Variants in PRKD1 observed in about 807,000 individuals in gnomAD.
PRKD1 encodes the protein serine/threonine-protein kinase D1.
A neutral mutation model predicts 95.9 loss-of-function variants in PRKD1; 63 were observed. The ratio of observed to expected loss-of-function variants is 0.66; its 90% CI spans 0.54 to 0.81. The LOEUF (loss-of-function observed/expected upper bound fraction) is 0.81. Among genes scored for constraint, PRKD1 ranks in the 30% least tolerant of loss-of-function variants. The pLI is 0.00. For synonymous variants in PRKD1, 425 were observed against 423.1 expected (o/e 1.00, Z -0.05); for missense variants, 1,048 against 1,165.3 (o/e 0.90, Z 1.47).
chr14:29,581,550 T>A (rs1386948644), intron 16 of PRKD1, among the ~76,000 whole-genome samples: 1 of 152,190 alleles, frequency 6.6e-6, no homozygotes, highest in African/African-American at 2.4e-5. Context: ...CCAGGGGGAC[T>A]GGAATTCAAA....
chr14:29,732,582 A>G (rs1371395104), intron 1 of PRKD1, among the ~76,000 whole-genome samples: 1 of 152,166 alleles, frequency 6.6e-6, no homozygotes, highest in East Asian at 1.9e-4. Context: ...GTATAGAGCC[A>G]AGGTTTCACA....
intron 1 of PRKD1, among the ~76,000 whole-genome samples, chr14:29,841,680 G>T (rs917400170): frequency 6.6e-6 from 1 of 151,868 alleles, no homozygotes. Context: ...CCTGGTCTCG[G>T]GTATGTCTTT....
At chr14:29,712,108 T>C (rs914114538) in intron 2 of PRKD1, among the ~76,000 whole-genome samples, 5 of 152,172 alleles carry the variant, frequency 3.3e-5, no homozygotes, top group African/African-American at 1.2e-4. Flanking sequence ...TGGAAAGTAA[T>C]ACCAGATCTT....
rs774083768 is a variant in PRKD1, at chr14:29,577,230, G to A, written c.*8C>T. 16 of 1,605,194 alleles carry A rather than the reference G, an allele frequency of 1.0e-5. No individual in the cohort carries two copies. In the Admixed American group the frequency reaches 2.5e-4, roughly 25 times the overall value. On this transcript the variant is annotated 3_prime_UTR_variant, in exon 18 of 18. Transcript: ENST00000331968. Reference sequence around the variant, plus strand: ...CACAGTGTTTTGACAGATTATAGGAGATGGAACTCAGAGGATGCTGACACG... The same window carrying A: ...CACAGTGTTTTGACAGATTATAGGAAATGGAACTCAGAGGATGCTGACACG...
intron 2 of PRKD1, among the ~76,000 whole-genome samples, chr14:29,676,193 T>TGTTTTTTTTTTG (rs1555334434): frequency 8.8e-5 from 7 of 79,212 alleles, no homozygotes; most frequent in African/African-American, 3.8e-4. Flanking sequence ...GTTTTTTTTT[T>TGTTTTTTTTTTG]TTTTTTTTTT....
chr14:29,705,736 C>T (rs1275450737), intron 2 of PRKD1, among the ~76,000 whole-genome samples: 3 of 152,044 alleles, frequency 2.0e-5, no homozygotes, highest in African/African-American at 7.2e-5. Flanking sequence ...AACATATAAA[C>T]TGACTGGCTT....
intron 10 of PRKD1, among the ~76,000 whole-genome samples, chr14:29,629,469 A>G (rs969809997): frequency 6.6e-6 from 1 of 152,148 alleles, no homozygotes; most frequent in African/African-American, 2.4e-5. Flanking sequence ...TCGATTAGGC[A>G]TTAAAATAGA....
intron 2 of PRKD1, among the ~76,000 whole-genome samples, chr14:29,697,613 T>C (rs1187708679): frequency 6.6e-6 from 1 of 152,204 alleles, no homozygotes; most frequent in African/African-American, 2.4e-5. Flanking sequence ...AAAATCACTT[T>C]TTGGGAAAGG....
chr14:29,646,179 G>A (rs991105928), intron 4 of PRKD1, among the ~76,000 whole-genome samples: 5 of 152,054 alleles, frequency 3.3e-5, no homozygotes, highest in African/African-American at 7.2e-5. Flanking sequence ...TTGCATAGAC[G>A]CCAAGGTGAG....
At chr14:29,604,917 C>T (rs1893650956) in intron 13 of PRKD1, among the ~76,000 whole-genome samples, 1 of 152,192 alleles carries the variant, frequency 6.6e-6, no homozygotes, top group African/African-American at 2.4e-5. Flanking sequence ...ATCAGCGTCT[C>T]TCCACCCAAA....
At chr14:29,638,409 C>T in intron 6 of PRKD1, 80 bp downstream of exon 6, 2 of 1,531,010 alleles carry the variant, frequency 1.3e-6, no homozygotes, top group Admixed American at 1.8e-5. Flanking sequence ...AAACCAAAAC[C>T]AAAAACCCTG....
intron 1 of PRKD1, among the ~76,000 whole-genome samples, chr14:29,836,892 G>A (rs527817283): frequency 2.1e-4 from 32 of 152,054 alleles, no homozygotes; most frequent in African/African-American, 5.6e-4. Flanking sequence ...AAGTGTAGCC[G>A]GAAAGAAGTT....
At chr14:29,700,295 T>C (rs1594440386) in intron 2 of PRKD1, among the ~76,000 whole-genome samples, 1 of 152,164 alleles carries the variant, frequency 6.6e-6, no homozygotes, top group East Asian at 1.9e-4. Context: ...TGTCCCCCAA[T>C]AGTTTTAAAA....
chr14:29,778,596 T>C (rs1486540202), intron 1 of PRKD1, among the ~76,000 whole-genome samples: 3 of 152,122 alleles, frequency 2.0e-5, no homozygotes. Context: ...AGGAAAAAGT[T>C]GAATCCCTGA....
chr14:29,594,650 GT>G (rs1449402631), intron 16 of PRKD1, among the ~76,000 whole-genome samples: 1 of 152,096 alleles, frequency 6.6e-6, no homozygotes, highest in African/African-American at 2.4e-5. Flanking sequence ...AGGTGCTTGG[GT>G]TTTTATTTCC....
At chr14:29,923,406 G>C (rs1171294862) in intron 1 of PRKD1, among the ~76,000 whole-genome samples, 1 of 152,094 alleles carries the variant, frequency 6.6e-6, no homozygotes, top group Non-Finnish European at 1.5e-5. Flanking sequence ...GAGTTGGATT[G>C]ATCAAGCACC....
At chr14:29,898,914 A>G (rs1461533177) in intron 1 of PRKD1, among the ~76,000 whole-genome samples, 1 of 152,354 alleles carries the variant, frequency 6.6e-6, no homozygotes, top group East Asian at 1.9e-4. Flanking sequence ...AGAATACAGA[A>G]GGCAGAGAAT....
intron 1 of PRKD1, among the ~76,000 whole-genome samples, chr14:29,767,903 T>C (rs1280988832): frequency 2.0e-5 from 3 of 152,212 alleles, no homozygotes; most frequent in South Asian, 2.1e-4. Context: ...ATTGTTGCTT[T>C]TGAGTTGCTT....
chr14:29,585,202 C>T (rs1459029324), intron 16 of PRKD1, among the ~76,000 whole-genome samples: 1 of 152,112 alleles, frequency 6.6e-6, no homozygotes, highest in South Asian at 2.1e-4. Context: ...CATTCCAGCT[C>T]TCAACCCAGC....
Sources: allele counts gnomAD v4.1 joint callset (sites outside exome capture counted in the v4.1 genomes callset), GRCh38; gene constraint gnomAD v4.1.1; transcripts MANE v1.5; gene names NCBI Gene and HGNC (gene_info 2026-07-23, HGNC 2026-07-21).